ZFAND3: variants seen among roughly 807,000 people sequenced by gnomAD.
The protein encoded by ZFAND3 is zinc finger AN1-type containing 3.
A neutral mutation model predicts 29.6 loss-of-function variants in ZFAND3; 10 were observed. That is an observed-to-expected ratio of 0.34 (90% CI 0.21 to 0.57). The LOEUF (loss-of-function observed/expected upper bound fraction) is 0.57. ZFAND3 is among the 20% of genes least tolerant of loss of function. The probability of loss-of-function intolerance (pLI) is 0.86; values close to 1 mark genes in which losing one functional copy is unlikely to be tolerated. For synonymous variants in ZFAND3, 128 were observed against 112.6 expected, an observed-to-expected ratio of 1.14 and a Z score of -0.87; for missense variants, 230 against 304.5, an observed-to-expected ratio of 0.76 and a Z score of 1.82.
intron 2 of ZFAND3, among the ~76,000 whole-genome samples, chr6:37,983,836 T>TA (rs1252223238): frequency 6.6e-6 from 1 of 152,212 alleles, no homozygotes; most frequent in African/African-American, 2.4e-5. Context: ...AAGTGTGTAG[T>TA]AGGCTATACC....
chr6:38,048,719 A>C (rs1214473549), intron 2 of ZFAND3, among the ~76,000 whole-genome samples: 2 of 151,664 alleles, frequency 1.3e-5, no homozygotes, highest in Non-Finnish European at 2.9e-5. Flanking sequence ...TTTGCAGTTG[A>C]GGAAACTGAA....
At chr6:37,839,702 A>G (rs1304283897) in intron 1 of ZFAND3, among the ~76,000 whole-genome samples, 1 of 150,358 alleles carries the variant, frequency 6.7e-6, no homozygotes, top group East Asian at 2.0e-4. Context: ...TTTAGTAGAG[A>G]CGGGGTGTCA....
intron 5 of ZFAND3, among the ~76,000 whole-genome samples, chr6:38,141,670 T>C (rs986911259): frequency 3.9e-5 from 6 of 152,234 alleles, no homozygotes; most frequent in Non-Finnish European, 7.3e-5. Flanking sequence ...ATTCGTTCTC[T>C]TTTGTCGGCA....
chr6:37,950,422 G>T (rs1233306659), intron 2 of ZFAND3, among the ~76,000 whole-genome samples: 4 of 150,516 alleles, frequency 2.7e-5, no homozygotes, highest in African/African-American at 9.8e-5. Flanking sequence ...CTGTCGCCCA[G>T]CCTGGAGTGC....
rs1381080956 is a variant in ZFAND3, at chr6:38,154,551, A to G, written c.*2162A>G. The G allele has an allele frequency of 2.1e-6, 2 of 974,190 alleles. No individual in the cohort carries two copies. Among genetic ancestry groups the G allele is most frequent in the African/African-American group, 3.5e-5 (2 of 56,964 alleles). The allele number at this position is 974,190 out of a possible 1,614,324, so 60.3% of individuals were successfully genotyped here. A position where few individuals can be genotyped will look rare whatever the true frequency, so the allele number is the denominator to read the frequency against. ...CTCAGTTTTAGTTTTAACATTGTGAAAATATTAAAAGAATCTTGTAACTTT... is the reference window on the plus strand; with the variant it reads ...CTCAGTTTTAGTTTTAACATTGTGAGAATATTAAAAGAATCTTGTAACTTT... On this transcript the variant is annotated 3_prime_UTR_variant, in exon 6 of 6. Coordinates refer to ENST00000287218, the MANE Select transcript of ZFAND3 (RefSeq NM_021943.3).
At chr6:38,084,121 GT>G (rs1336895604) in intron 4 of ZFAND3, among the ~76,000 whole-genome samples, 2 of 152,106 alleles carry the variant, frequency 1.3e-5, no homozygotes, top group African/African-American at 4.8e-5. Context: ...AGCCTGCGCT[GT>G]TTTCCCCTAT....
At chr6:37,985,499 C>CCACACACACACACACACACACACACA (rs5875607) in intron 2 of ZFAND3, among the ~76,000 whole-genome samples, 2 of 141,702 alleles carry the variant, frequency 1.4e-5, no homozygotes, top group East Asian at 4.1e-4. Flanking sequence ...GCTTGTGGTT[C>CCACACACACACACACACACACACACA]CACACACACA....
At chr6:38,057,720 C>A (rs1217730605) in intron 2 of ZFAND3, among the ~76,000 whole-genome samples, 1 of 152,192 alleles carries the variant, frequency 6.6e-6, no homozygotes, top group African/African-American at 2.4e-5. Context: ...TTAGAAAATT[C>A]TAACTCAGTT....
chr6:38,128,230 A>G (rs1009298195), intron 5 of ZFAND3, among the ~76,000 whole-genome samples: 7 of 152,236 alleles, frequency 4.6e-5, no homozygotes, highest in Non-Finnish European at 7.3e-5. Context: ...CAAAGCCTTT[A>G]ATGTGTAGTT....
intron 3 of ZFAND3, among the ~76,000 whole-genome samples, chr6:38,081,880 T>C (rs1764668131): frequency 1.3e-5 from 2 of 152,180 alleles, no homozygotes; most frequent in Non-Finnish European, 2.9e-5. Flanking sequence ...GCTTTCTTTA[T>C]ATATGAAAAT....
chr6:38,053,895 A>G (rs1764081363), intron 2 of ZFAND3, among the ~76,000 whole-genome samples: 1 of 152,072 alleles, frequency 6.6e-6, no homozygotes, highest in South Asian at 2.1e-4. Context: ...CTCTATGTGA[A>G]TGTTGATATC....
intron 2 of ZFAND3, among the ~76,000 whole-genome samples, chr6:38,047,703 C>T (rs927858482): frequency 7.2e-5 from 11 of 152,112 alleles, no homozygotes; most frequent in African/African-American, 2.7e-4. Context: ...TTAGGTGGTT[C>T]CATTTCTCTT....
intron 1 of ZFAND3, among the ~76,000 whole-genome samples, chr6:37,917,366 C>G (rs73419487): frequency 0.067 from 10,218 of 152,226 alleles, 410 homozygotes; most frequent in Non-Finnish European, 0.085. Flanking sequence ...AGTCATTGCT[C>G]TTAACACTAC....
intron 3 of ZFAND3, among the ~76,000 whole-genome samples, chr6:38,067,705 G>A (rs549496868): frequency 6.6e-6 from 1 of 152,344 alleles, no homozygotes; most frequent in Non-Finnish European, 1.5e-5. Flanking sequence ...CCAGGTTGTA[G>A]TTAGAACGCT....
At chr6:37,845,586 CT>C (rs1764163833) in intron 1 of ZFAND3, among the ~76,000 whole-genome samples, 1 of 152,148 alleles carries the variant, frequency 6.6e-6, no homozygotes, top group African/African-American at 2.4e-5. Context: ...CTTTTTCGTA[CT>C]GTGAGCTGTG....
chr6:37,877,259 A>AGTGC (rs1764810857), intron 1 of ZFAND3, among the ~76,000 whole-genome samples: 1 of 152,236 alleles, frequency 6.6e-6, no homozygotes, highest in Non-Finnish European at 1.5e-5. Flanking sequence ...AAAAGTCCTT[A>AGTGC]GTGCAGCATT....
chr6:37,971,504 A>C (rs955809505), intron 2 of ZFAND3, among the ~76,000 whole-genome samples: 3 of 152,284 alleles, frequency 2.0e-5, no homozygotes, highest in Admixed American at 6.5e-5. Flanking sequence ...ACAATGACTG[A>C]ATCTACTCTT....
intron 1 of ZFAND3, among the ~76,000 whole-genome samples, chr6:37,888,696 A>G (rs1481756923): frequency 1.3e-5 from 2 of 152,164 alleles, no homozygotes; most frequent in Non-Finnish European, 2.9e-5. Flanking sequence ...TACCCTTAAA[A>G]TGGGTGAGGA....
At chr6:38,003,132 C>T (rs1762979592) in intron 2 of ZFAND3, 1 of 153,274 alleles carries the variant, frequency 6.5e-6, no homozygotes, top group African/African-American at 2.4e-5. Context: ...TGAAAGGATC[C>T]ACAGTTCAGT....
Sources: gnomAD v4.1 joint callset for allele counts (sites outside exome capture counted in the v4.1 genomes callset) on GRCh38, gnomAD v4.1.1 for gene constraint, MANE v1.5 for transcripts, NCBI Gene and HGNC (gene_info 2026-07-23, HGNC 2026-07-21) for gene names.